Variants in SORL1 observed in about 807,000 individuals in gnomAD.
SORL1 encodes the protein sortilin-related receptor.
SORL1 carries 127 observed loss-of-function variants against 273.7 expected under a neutral mutation model. The ratio of observed to expected loss-of-function variants is 0.46; its 90% CI spans 0.40 to 0.54. The LOEUF (loss-of-function observed/expected upper bound fraction) is 0.54. Among genes scored for constraint, SORL1 ranks in the 20% least tolerant of loss-of-function variants. SORL1 has a pLI of 0.00. For missense variants in SORL1, 2,494 were observed against 2,846.1 expected (o/e 0.88, Z 2.81); for synonymous variants, 1,031 against 1,067.4 (o/e 0.97, Z 0.66).
intron 11 of SORL1, among the ~76,000 whole-genome samples, chr11:121,528,276 C>T (rs184819602): frequency 2.0e-5 from 3 of 152,062 alleles, no homozygotes; most frequent in Admixed American, 2.0e-4. Context: ...CAAGACCAGC[C>T]CAGGCACCAT....
At chr11:121,511,863 T>C (rs1367264995) in intron 6 of SORL1, among the ~76,000 whole-genome samples, 1 of 152,224 alleles carries the variant, frequency 6.6e-6, no homozygotes, top group Admixed American at 6.5e-5. Flanking sequence ...TATAGGAAGT[T>C]AATATCTATA....
At chr11:121,541,256 C>T (rs952239722) in intron 12 of SORL1, among the ~76,000 whole-genome samples, 1 of 151,074 alleles carries the variant, frequency 6.6e-6, no homozygotes, top group South Asian at 2.1e-4. Flanking sequence ...GGTGGGACTG[C>T]AGTGGTGCAG....
At chr11:121,568,323 C>G (rs1451784102) in intron 22 of SORL1, among the ~76,000 whole-genome samples, 1 of 152,144 alleles carries the variant, frequency 6.6e-6, no homozygotes, top group African/African-American at 2.4e-5. Flanking sequence ...TTCTTAGAAA[C>G]AAGAGACTTT....
chr11:121,514,679 ATCAG>A (rs1565320993), intron 8 of SORL1, among the ~76,000 whole-genome samples: 2 of 152,334 alleles, frequency 1.3e-5, no homozygotes, highest in East Asian at 3.9e-4. Context: ...CTTGGTAAAT[ATCAG>A]TCAGTGAGAG....
chr11:121,521,205 G>A (rs1862038167), intron 9 of SORL1, among the ~76,000 whole-genome samples: 2 of 152,082 alleles, frequency 1.3e-5, no homozygotes, highest in South Asian at 4.1e-4. Flanking sequence ...TGTGGCCCTT[G>A]GGAAAATTCT....
rs572543588 is a variant in SORL1, at chr11:121,534,419, A to G, written c.1685+1867A>G. Among the ~76,000 whole-genome samples the G allele has an allele frequency of 7.2e-4, 109 of 152,316 alleles. No individual in the cohort carries two copies. The Middle Eastern group carries it at 0.01, about 14-fold the overall frequency. ...TAAACTTGCTGCCAGAAAATCATAA[A>G]GCCTTCCCCAGACATTTTGAAATGA... On this transcript the variant is annotated intron_variant, in intron 12 of 47. Coordinates refer to ENST00000260197, the MANE Select transcript of SORL1 (RefSeq NM_003105.6).
chr11:121,496,656 A>G (rs762238686), intron 5 of SORL1, among the ~76,000 whole-genome samples: 1 of 152,200 alleles, frequency 6.6e-6, no homozygotes, highest in Non-Finnish European at 1.5e-5. Context: ...GGATGCTTTG[A>G]AAACAACATA....
At chr11:121,610,386 T>G (rs1231257987) in intron 38 of SORL1, 1 of 152,190 alleles carries the variant, frequency 6.6e-6, no homozygotes, top group Non-Finnish European at 1.5e-5. Context: ...TAGCTTGAGC[T>G]CCAGTCTTTT....
chr11:121,498,122 T>C (rs1591300965), intron 6 of SORL1, among the ~76,000 whole-genome samples: 1 of 152,180 alleles, frequency 6.6e-6, no homozygotes, highest in South Asian at 2.1e-4. Flanking sequence ...CCTATGGCAG[T>C]TTTTCTTGTC....
rs182975652 is a variant in SORL1, at chr11:121,514,000, A to C, written c.1042-152A>C. 2.3e-5 allele frequency: 19 copies of C among 826,048 alleles called. No individual in the cohort carries two copies. The East Asian group carries it at 5.3e-4, about 23-fold the overall frequency. The allele number at this position is 826,048 out of a possible 1,614,324, so 51.2% of individuals were successfully genotyped here. The stretch of plus-strand genomic sequence containing the variant: ...GGTTCTCCAAAGGGAAAGTCGCCAA[A>C]GCTTCTTTGCCAAGGTTAGGGAGCT... On this transcript the variant is annotated intron_variant, in intron 7 of 47. Transcript: ENST00000260197.
At chr11:121,555,807 G>C (rs1481605071) in intron 18 of SORL1, among the ~76,000 whole-genome samples, 1 of 152,124 alleles carries the variant, frequency 6.6e-6, no homozygotes, top group Non-Finnish European at 1.5e-5. Context: ...TAGCTACCTA[G>C]TAACCTGTCC....
chr11:121,460,916 G>A (rs544529993), intron 1 of SORL1, among the ~76,000 whole-genome samples: 98 of 152,202 alleles, frequency 6.4e-4, no homozygotes, highest in African/African-American at 2.3e-3. Flanking sequence ...AGACACATGC[G>A]AGACAGTTCC....
chr11:121,572,199 G>C (rs1240075802), intron 23 of SORL1, among the ~76,000 whole-genome samples: 2 of 152,170 alleles, frequency 1.3e-5, no homozygotes, highest in South Asian at 4.1e-4. Flanking sequence ...CTACTAAATG[G>C]ACAAGCTGAA....
At chr11:121,502,124 C>CTTTTTTTTTTTTTTTTTTTTTT (rs57842880) in intron 6 of SORL1, among the ~76,000 whole-genome samples, 1 of 65,176 alleles carries the variant, frequency 1.5e-5, no homozygotes, top group African/African-American at 5.3e-5. Context: ...TGTGACAATT[C>CTTTTTTTTTTTTTTTTTTTTTT]TTTTTTTTTT....
intron 30 of SORL1, chr11:121,590,571 C>T (rs558094740): frequency 1.8e-6 from 1 of 568,568 alleles, no homozygotes; most frequent in Non-Finnish European, 3.1e-6. Context: ...GAGGAGCACT[C>T]ATGTGGAATG....
rs1166090863 is a variant in SORL1 at position 121,562,437 on chromosome 11, A to G, written c.3049+2780A>G. On this transcript the variant is annotated intron_variant, in intron 21 of 47. Transcript: ENST00000260197. ...AATATATATGGAAGATTCCAGAAAT[A>G]AACAATGTATAAGATTTAAATTGCT... 2.0e-5 allele frequency among the ~76,000 whole-genome samples: 3 copies of G among 152,230 alleles called. 1 individual carries two copies. The highest frequency in any genetic ancestry group is 4.4e-5 in the Non-Finnish European group (3 of 68,044).
At chr11:121,462,652 A>T (rs1477535892) in intron 1 of SORL1, among the ~76,000 whole-genome samples, 1 of 152,094 alleles carries the variant, frequency 6.6e-6, no homozygotes, top group Non-Finnish European at 1.5e-5. Flanking sequence ...TGGCATGATC[A>T]TAGCTCACTG....
chr11:121,509,986 A>C (rs936832982), intron 6 of SORL1, among the ~76,000 whole-genome samples: 1 of 152,166 alleles, frequency 6.6e-6, no homozygotes, highest in Non-Finnish European at 1.5e-5. Context: ...TTGACTTAAT[A>C]ATTCTTCTAA....
chr11:121,567,424 G>A (rs1432938833), intron 22 of SORL1, among the ~76,000 whole-genome samples: 3 of 152,070 alleles, frequency 2.0e-5, no homozygotes, highest in Non-Finnish European at 4.4e-5. Context: ...TTATTCTTTT[G>A]CTTCTTCCTC....
Sources: allele counts gnomAD v4.1 joint callset (sites outside exome capture counted in the v4.1 genomes callset), GRCh38; gene constraint gnomAD v4.1.1; transcripts MANE v1.5; gene names NCBI Gene and HGNC (gene_info 2026-07-23, HGNC 2026-07-21).